The following MCM3AP variants were observed in gnomAD, a reference collection of about 807,000 sequenced individuals.
MCM3AP encodes the protein germinal-center associated nuclear protein.
In MCM3AP, 126 loss-of-function variants were observed where a neutral mutation model predicts 184.1. That is an observed-to-expected ratio of 0.68 (90% CI 0.59 to 0.79). The LOEUF (loss-of-function observed/expected upper bound fraction) is 0.79, where lower values mean the gene tolerates loss of function less well. Ranked by LOEUF, MCM3AP falls within the 30% of genes least tolerant of loss-of-function variation. MCM3AP has a pLI of 0.00. For synonymous variants in MCM3AP, 1,002 were observed against 979.3 expected, an observed-to-expected ratio of 1.02 and a Z score of -0.43; for missense variants, 2,496 against 2,479.2, an observed-to-expected ratio of 1.01 and a Z score of -0.14.
At chr21:46,274,922 G>C (rs1438366255) in intron 6 of MCM3AP, among the ~76,000 whole-genome samples, 1 of 122,608 alleles carries the variant, frequency 8.2e-6, no homozygotes, top group Non-Finnish European at 1.6e-5. Context: ...CTAGGTGACA[G>C]AGTGAGACCC....
At chr21:46,246,150 C>A (rs959605643) in intron 22 of MCM3AP, among the ~76,000 whole-genome samples, 157 bp downstream of exon 22, 9 of 152,172 alleles carry the variant, frequency 5.9e-5, no homozygotes, top group Non-Finnish European at 2.9e-5. Context: ...TTTGAGGTTG[C>A]AGGGAGCTAT....
At chr21:46,262,824 G>A (rs1448823533) in intron 13 of MCM3AP, among the ~76,000 whole-genome samples, 7 of 149,854 alleles carry the variant, frequency 4.7e-5, no homozygotes, top group African/African-American at 1.5e-4. Flanking sequence ...AAAATTAGCC[G>A]GGCGAGGTAG....
chr21:46,242,648 G>T, intron 25 of MCM3AP, 154 bp downstream of exon 25: 1 of 661,798 alleles, frequency 1.5e-6, no homozygotes, highest in Non-Finnish European at 2.4e-6. Flanking sequence ...TTCTAGAATA[G>T]TTTCTACTGC....
intron 8 of MCM3AP, among the ~76,000 whole-genome samples, chr21:46,271,090 G>A (rs1171386593): frequency 6.6e-6 from 1 of 151,902 alleles, no homozygotes; most frequent in Non-Finnish European, 1.5e-5. Context: ...GATTTTGACT[G>A]AATTATTCGT....
Position 46,236,961 on chromosome 21 carries a change from C to A in MCM3AP, c.5652G>T (p.Gln1884His). The change falls in exon 27 of 28, where the codon CAG becomes CAT. Residue 1884 changes from glutamine (Q) to histidine (H), a missense_variant. Physicochemically the swap from Gln to His is conservative, Grantham distance 24. Transcript: ENST00000291688. ...EENKRFEDQLQQWLSEDSGAF... is the reference protein window; with the variant it reads ...EENKRFEDQLHQWLSEDSGAF... ...CTCCTGAGTCTTCAGACAACCATTG[C>A]TGAAGCTGATCTTCAAACCTGAAAC... 6.5e-7 allele frequency: 1 copy of A among 1,539,578 alleles called. No individual in the cohort carries two copies. Among genetic ancestry groups the A allele is most frequent in the South Asian group, 1.3e-5 (1 of 75,944 alleles).
intron 13 of MCM3AP, among the ~76,000 whole-genome samples, chr21:46,262,896 G>A (rs1290744322): frequency 5.4e-5 from 8 of 149,318 alleles, no homozygotes; most frequent in Non-Finnish European, 1.2e-4. Flanking sequence ...GAACCCCGGG[G>A]GGCGGAGCCT....
At chr21:46,240,055 CAG>C (rs915061540) in intron 26 of MCM3AP, among the ~76,000 whole-genome samples, 7 of 152,096 alleles carry the variant, frequency 4.6e-5, no homozygotes, top group Admixed American at 2.0e-4. Flanking sequence ...GGGACCAAGA[CAG>C]GGAGGCATGT....
chr21:46,272,216 T>C (rs919192814), intron 8 of MCM3AP, among the ~76,000 whole-genome samples: 1 of 152,244 alleles, frequency 6.6e-6, no homozygotes, highest in Non-Finnish European at 1.5e-5. Context: ...AGGGAACTGC[T>C]AACAACCTTG....
intron 16 of MCM3AP, 56 bp from the exon 17 acceptor site, chr21:46,257,042 A>C: frequency 6.4e-7 from 1 of 1,550,936 alleles, no homozygotes; most frequent in Non-Finnish European, 8.8e-7. Flanking sequence ...CAAACTGAGA[A>C]ACACATTGCA....
chr21:46,237,865 C>T lies in MCM3AP; in HGVS notation c.5634-886G>A, dbSNP rs956960886. Among the ~76,000 whole-genome samples the T allele has an allele frequency of 5.2e-5, 6 of 115,988 alleles. 2 individuals carry two copies. The East Asian group carries it at 6.8e-4, about 13-fold the overall frequency. The allele number at this position is 115,988 out of a possible 152,430, so 76.1% of individuals were successfully genotyped here. A position where few individuals can be genotyped will look rare whatever the true frequency, so the allele number is the denominator to read the frequency against. ...CTGTAATCCCAACACTTTGGGAGGC[C>T]GAGGCGGGCAGATCACCTGAGGTCA... is the stretch of plus-strand genomic sequence containing the variant. On this transcript the variant is annotated intron_variant, in intron 26 of 27. Coordinates refer to ENST00000291688, the MANE Select transcript of MCM3AP (RefSeq NM_003906.5).
intron 4 of MCM3AP, 106 bp downstream of exon 4, chr21:46,279,887 G>T: frequency 6.2e-6 from 7 of 1,129,794 alleles, no homozygotes; most frequent in Non-Finnish European, 7.3e-6. Flanking sequence ...ACTGGCTTTT[G>T]TCTCCTCACC....
At position 46,267,011 on chromosome 21, in the gene MCM3AP, G is replaced by C. The variant is rs991140578; in HGVS notation, c.2760C>G (p.Leu920=). ...CGGAAACGGTGAGGCCGTGGCAGGT[G>C]AGGAAGTCGGTGGCCTCTTCACAGT... ...FRDCEEATDF[L]TCHGLTVSDG... The change falls in exon 10 of 28, where the codon CTC becomes CTG. Residue 920 remains leucine (L), a synonymous_variant. Coordinates refer to ENST00000291688, the MANE Select transcript of MCM3AP (RefSeq NM_003906.5). 1 of 1,614,222 alleles carries C rather than the reference G, an allele frequency of 6.2e-7. No individual in the cohort carries two copies. Among genetic ancestry groups the C allele is most frequent in the Non-Finnish European group, 8.5e-7 (1 of 1,180,042 alleles).
At chr21:46,253,111 C>G (rs922318152) in intron 19 of MCM3AP, 4 of 150,536 alleles carry the variant, frequency 2.7e-5, no homozygotes, top group Non-Finnish European at 5.9e-5. Flanking sequence ...TGCCCTCTAG[C>G]CTGGGTGACA....
intron 4 of MCM3AP, among the ~76,000 whole-genome samples, chr21:46,278,968 G>A (rs1268954226): frequency 6.7e-6 from 1 of 148,852 alleles, no homozygotes; most frequent in Non-Finnish European, 1.5e-5. Flanking sequence ...CACTGCGCCC[G>A]GCCAGGAGAC....
chr21:46,243,307 T>A, intron 24 of MCM3AP, 158 bp downstream of exon 24: 1 of 912,800 alleles, frequency 1.1e-6, no homozygotes, highest in East Asian at 2.4e-5. Flanking sequence ...CCTGTCTCAA[T>A]GTTTTTAAGT....
intron 12 of MCM3AP, 128 bp from the exon 13 acceptor site, chr21:46,264,345 C>T: frequency 1.6e-6 from 1 of 619,852 alleles, no homozygotes; most frequent in Non-Finnish European, 2.8e-6. Flanking sequence ...ACGGGGTCGG[C>T]TAGGCTGTTG....
At chr21:46,254,127 A>G (rs2080912620) in intron 19 of MCM3AP, 1 of 479,336 alleles carries the variant, frequency 2.1e-6, no homozygotes, top group Non-Finnish European at 3.8e-6. Flanking sequence ...AAACCTCTTT[A>G]TAAAGTACCC....
Position 46,283,714 on chromosome 21 carries a change from G to C in MCM3AP, c.1344C>G (p.Asp448Glu), listed in dbSNP as rs1248303717. 1 of 1,614,038 alleles carries C rather than the reference G, an allele frequency of 6.2e-7. No homozygotes were observed. The highest frequency in any genetic ancestry group is 2.2e-5 in the East Asian group (1 of 44,892). ...CAAAATGGTTCTCCAGAATGGTCCT[G>C]TCGTTGAGGTAGTCAGGGATGTTCT... ...QCKNIPDYLNDRTILENHFGK... is the reference protein window; with the variant it reads ...QCKNIPDYLNERTILENHFGK... Residue 448 changes from aspartate to glutamate, a missense_variant, in exon 2 of 28, where the codon GAC becomes GAG. Physicochemically the swap from Asp to Glu is conservative, Grantham distance 45 (BLOSUM62 2). Coordinates refer to ENST00000291688, the MANE Select transcript of MCM3AP (RefSeq NM_003906.5).
chr21:46,236,815 T>G lies in MCM3AP; in HGVS notation c.5784+14A>C. 6.6e-7 allele frequency: 1 copy of G among 1,523,536 alleles called. No homozygotes were observed. Among genetic ancestry groups the G allele is most frequent in the Non-Finnish European group, 8.8e-7 (1 of 1,141,016 alleles). 94.4% of individuals were successfully genotyped at this position (1,523,536 alleles called of 1,614,324 possible). A position where few individuals can be genotyped will look rare whatever the true frequency, so the allele number is the denominator to read the frequency against. On this transcript the variant is annotated intron_variant, in intron 27 of 27. Transcript: ENST00000291688. The stretch of plus-strand genomic sequence containing the variant: ...AATTCTTATGTAAATGCCAAATGTA[T>G]ACGTTCTTCTCACCTGTGGGCTAGT...
Sources: gnomAD v4.1 joint callset for allele counts (sites outside exome capture counted in the v4.1 genomes callset) on GRCh38, gnomAD v4.1.1 for gene constraint, MANE v1.5 for transcripts, NCBI Gene and HGNC (gene_info 2026-07-23, HGNC 2026-07-21) for gene names.